CDHR2: variants seen among roughly 807,000 people sequenced by gnomAD.
CDHR2 encodes the protein cadherin-related family member 2.
Under a neutral mutation model 138.6 loss-of-function variants are expected in CDHR2, and 104 were observed. The observed-to-expected ratio is 0.75, with a 90% CI of 0.64 to 0.88. CDHR2 has a LOEUF of 0.88. Ranked by LOEUF, CDHR2 falls within the 40% of genes least tolerant of loss-of-function variation. The pLI is 0.00. For missense variants in CDHR2, 1,624 were observed against 1,727.6 expected (o/e 0.94, Z 1.06); for synonymous variants, 755 against 742.8 (o/e 1.02, Z -0.27).
In CDHR2 at chr5:176,577,448, C is replaced by G. The variant is rs3762960; in HGVS notation, c.1244C>G (p.Ala415Gly). The change falls in exon 13 of 32, where the codon GCC (alanine) becomes GGC (glycine). Residue 415 changes from alanine to glycine, a missense_variant. Coordinates refer to ENST00000261944, the MANE Select transcript of CDHR2 (RefSeq NM_017675.6). ...TCGCTGGGGGGCCCCGATGCAGAAG[C>G]CTTCAGCGTCTCCCCGGAGCGGGCA... is the stretch of plus-strand genomic sequence containing the variant. ...LLSLGGPDAE[A>G]FSVSPERAVG... The G allele has an allele frequency of 3.9e-5, 63 of 1,610,410 alleles. 1 individual carries two copies. In the East Asian group the frequency reaches 1.3e-3, roughly 34 times the overall value.
intron 3 of CDHR2, chr5:176,567,179 T>TC (rs1477528335): frequency 3.7e-5 from 13 of 351,690 alleles, no homozygotes; most frequent in Middle Eastern, 3.8e-4. Flanking sequence ...GGACTTTTTT[T>TC]TTTTTTTGAG....
At chr5:176,549,932 G>A (rs1411843819) in intron 1 of CDHR2, among the ~76,000 whole-genome samples, 1 of 152,204 alleles carries the variant, frequency 6.6e-6, no homozygotes, top group African/African-American at 2.4e-5. Flanking sequence ...GTGAGCATGT[G>A]GCCTATGACC....
intron 19 of CDHR2, 57 bp from the exon 20 acceptor site, chr5:176,585,897 A>G: frequency 7.3e-7 from 1 of 1,366,568 alleles, no homozygotes; most frequent in Non-Finnish European, 1.0e-6. Flanking sequence ...GTTGAGGCCC[A>G]GGCTCTTTGG....
At chr5:176,557,781 C>T (rs1343518543) in intron 1 of CDHR2, among the ~76,000 whole-genome samples, 1 of 151,072 alleles carries the variant, frequency 6.6e-6, no homozygotes, top group African/African-American at 2.4e-5. Flanking sequence ...GATCTTGGCT[C>T]ACTGCAACAT....
chr5:176,566,129 G>A (rs1256227724), intron 3 of CDHR2, among the ~76,000 whole-genome samples: 1 of 151,784 alleles, frequency 6.6e-6, no homozygotes, highest in East Asian at 1.9e-4. Context: ...CAGGTGTCAG[G>A]CTCAGACCCT....
At position 176,584,556 on chromosome 5, in the gene CDHR2, C is replaced by T. The variant is rs115808179; in HGVS notation, c.2275C>T (p.Arg759Trp). Reference protein sequence around the residue: ...LGAGWAEGYLRLPPDVSLDYE... With the variant: ...LGAGWAEGYLWLPPDVSLDYE... ...GGCTGGGTGGGCTGAGGGCTACCTCCGGCTGCCCCCGGACGTGAGCCTGGA... is the reference window on the plus strand; with the variant it reads ...GGCTGGGTGGGCTGAGGGCTACCTCTGGCTGCCCCCGGACGTGAGCCTGGA... Residue 759 changes from arginine to tryptophan, a missense_variant, in exon 19 of 32, where the codon CGG becomes TGG. Physicochemically the swap from Arg to Trp is moderately radical, Grantham distance 101 (BLOSUM62 -3). Around this residue, in one of 3 missense-constraint regions of CDHR2, gnomAD observed 1,061 missense variants for 1,136.6 expected, o/e 0.93. Coordinates refer to ENST00000261944, the MANE Select transcript of CDHR2 (RefSeq NM_017675.6). 4.7e-4 allele frequency: 759 copies of T among 1,612,028 alleles called. 2 individuals are homozygous for T. In the African/African-American group the frequency reaches 7.8e-3, roughly 17 times the overall value.
rs756002951 is a variant in CDHR2 at position 176,574,212 on chromosome 5, A to C, written c.495+40A>C. On this transcript the variant is annotated intron_variant, in intron 7 of 31. Transcript: ENST00000261944. ...GGCCCTGACCGCCTTTGTGACCGCC[A>C]GGGGGCAGCATCTCCACAGACAACC... The C allele has an allele frequency of 3.5e-6, 5 of 1,437,412 alleles. No individual in the cohort carries two copies. The African/African-American group carries it at 7.0e-5, about 20-fold the overall frequency. The allele number at this position is 1,437,412 out of a possible 1,614,324, so 89.0% of individuals were successfully genotyped here.
At chr5:176,581,199 T>C in intron 16 of CDHR2, 144 bp from the exon 17 acceptor site, 2 of 1,069,464 alleles carry the variant, frequency 1.9e-6, no homozygotes, top group Non-Finnish European at 2.6e-6. Context: ...GATGGGAAAC[T>C]GGGGCTGGGA....
intron 1 of CDHR2, among the ~76,000 whole-genome samples, chr5:176,561,285 C>T (rs1489497252): frequency 6.6e-6 from 1 of 152,156 alleles, no homozygotes; most frequent in African/African-American, 2.4e-5. Flanking sequence ...CCCAGGCTCT[C>T]AGGTCCACAT....
chr5:176,588,726 A>T lies in CDHR2; in HGVS notation c.2857-305A>T, dbSNP rs903966823. ...CTGTGTGTGTGAGTGTGTGTGTGTG[A>T]GAGAGAGAGAGAGTATGGCAGTGGA... On this transcript the variant is annotated intron_variant, in intron 21 of 31. Coordinates refer to ENST00000261944, the MANE Select transcript of CDHR2 (RefSeq NM_017675.6). 1.3e-3 allele frequency among the ~76,000 whole-genome samples: 193 copies of T among 147,746 alleles called. 3 individuals are homozygous for T. Among genetic ancestry groups the T allele is most frequent in the African/African-American group, 4.4e-3 (170 of 39,076 alleles).
chr5:176,565,026 G>A (rs1370226253), intron 1 of CDHR2, among the ~76,000 whole-genome samples: 1 of 152,142 alleles, frequency 6.6e-6, no homozygotes, highest in African/African-American at 2.4e-5. Context: ...TTCGTATCTT[G>A]GTGCCTTAGC....
chr5:176,566,803 C>T, intron 3 of CDHR2: 1 of 395,398 alleles, frequency 2.5e-6, no homozygotes, highest in South Asian at 1.8e-5. Flanking sequence ...AAGCCACAGA[C>T]CCACGCCTAG....
At chr5:176,555,031 T>C (rs1257402883) in intron 1 of CDHR2, among the ~76,000 whole-genome samples, 2 of 152,202 alleles carry the variant, frequency 1.3e-5, no homozygotes, top group African/African-American at 4.8e-5. Context: ...CACGAGTCTC[T>C]TGCTATTCAT....
In CDHR2 at chr5:176,586,782, C is replaced by G; in HGVS notation, c.2807-11C>G. On this transcript the variant is annotated splice_polypyrimidine_tract_variant and intron_variant, in intron 20 of 31. Transcript: ENST00000261944. ...CGACCCCGCTGACCCCGTTCCCGTT[C>G]ACACCTGCAGTGATCATCCCTGAAC... 1 of 1,604,466 alleles carries G rather than the reference C, an allele frequency of 6.2e-7. No individual in the cohort carries two copies. Among genetic ancestry groups the G allele is most frequent in the Non-Finnish European group, 8.5e-7 (1 of 1,175,274 alleles).
chr5:176,585,821 A>T, intron 19 of CDHR2, 133 bp from the exon 20 acceptor site: 1 of 662,834 alleles, frequency 1.5e-6, no homozygotes, highest in Non-Finnish European at 2.6e-6. Context: ...TGCGGGGCAC[A>T]GGGTTGAGGC....
chr5:176,570,771 G>GTA (rs1275459353), intron 5 of CDHR2, among the ~76,000 whole-genome samples: 2 of 152,124 alleles, frequency 1.3e-5, no homozygotes, highest in African/African-American at 4.8e-5. Context: ...GACCAACATG[G>GTA]TAAAACCCCA....
chr5:176,577,284 C>T, intron 12 of CDHR2, 115 bp from the exon 13 acceptor site: 2 of 1,173,898 alleles, frequency 1.7e-6, no homozygotes, highest in South Asian at 1.5e-5. Context: ...TGAGAGCCCC[C>T]TTCCATGGGA....
chr5:176,575,916 G>A, intron 11 of CDHR2, 36 bp from the exon 12 acceptor site: 1 of 1,588,232 alleles, frequency 6.3e-7, no homozygotes. Flanking sequence ...TCTGAGCACT[G>A]GCTCTCTGCC....
chr5:176,587,454 A>AAAAT lies in CDHR2; in HGVS notation c.2856+629_2856+632dup, dbSNP rs1554143781. ...CAAGAGTGAAACTCTGCCTCAAAAAAAAATAAATAAATAAATAAATTATTG... is the reference window on the plus strand; with the variant it reads ...CAAGAGTGAAACTCTGCCTCAAAAAAAAATAAATAAATAAATAAATAAATTATTG... On this transcript the variant is annotated intron_variant, in intron 21 of 31. Transcript: ENST00000261944. Among the ~76,000 whole-genome samples, 30 of 152,102 alleles carry AAAAT rather than the reference A, an allele frequency of 2.0e-4. No homozygotes were observed. The Middle Eastern group carries it at 0.017, about 86-fold the overall frequency.
Sources: gnomAD v4.1 joint callset for allele counts (sites outside exome capture counted in the v4.1 genomes callset) on GRCh38, gnomAD v4.1.1 for gene constraint, gnomAD v4.1.1 regional missense constraint, MANE v1.5 for transcripts, NCBI Gene and HGNC (gene_info 2026-07-23, HGNC 2026-07-21) for gene names.